ZNF385D: variants seen among roughly 807,000 people sequenced by gnomAD.
ZNF385D encodes zinc finger protein 385D.
A neutral mutation model predicts 35.8 loss-of-function variants in ZNF385D; 15 were observed. The observed-to-expected ratio is 0.42, with a 90% CI of 0.28 to 0.64. The LOEUF is 0.64. Among genes scored for constraint, ZNF385D ranks in the 30% least tolerant of loss-of-function variants. ZNF385D has a pLI of 0.23. For synonymous variants in ZNF385D, 212 were observed against 186.8 expected (o/e 1.13, Z -1.10); for missense variants, 474 against 494.6 (o/e 0.96, Z 0.39).
intron 3 of ZNF385D, among the ~76,000 whole-genome samples, chr3:22,089,411 C>T (rs575260544): frequency 6.6e-6 from 1 of 152,234 alleles, no homozygotes; most frequent in East Asian, 1.9e-4. Context: ...ACTAAAAGGA[C>T]GCTGGAGGAA....
intron 2 of ZNF385D, among the ~76,000 whole-genome samples, chr3:22,227,851 C>T (rs111883758): frequency 1.3e-3 from 195 of 152,274 alleles, no homozygotes; most frequent in African/African-American, 4.4e-3. Context: ...TGCAGAACTA[C>T]CTCTGAGCTG....
At chr3:21,467,760 C>A (rs890093511) in intron 4 of ZNF385D, among the ~76,000 whole-genome samples, 2 of 152,106 alleles carry the variant, frequency 1.3e-5, no homozygotes, top group African/African-American at 4.8e-5. Flanking sequence ...TAACACCATG[C>A]GTTCTAGTTA....
At chr3:22,090,153 T>C (rs998491555) in intron 3 of ZNF385D, among the ~76,000 whole-genome samples, 4 of 152,144 alleles carry the variant, frequency 2.6e-5, no homozygotes, top group African/African-American at 9.7e-5. Flanking sequence ...TTAATAATTA[T>C]TTATGGTAAA....
chr3:21,747,618 C>G (rs1441154597), intron 1 of ZNF385D, among the ~76,000 whole-genome samples: 1 of 152,204 alleles, frequency 6.6e-6, no homozygotes, highest in Non-Finnish European at 1.5e-5. Flanking sequence ...GGAGACAATT[C>G]AAACATACGG....
At chr3:21,806,258 C>G (rs1381916610) in intron 3 of ZNF385D, among the ~76,000 whole-genome samples, 2 of 148,546 alleles carry the variant, frequency 1.3e-5, no homozygotes, top group African/African-American at 5.0e-5. Flanking sequence ...AATCTAAACT[C>G]TTTTTGTATT....
intron 3 of ZNF385D, among the ~76,000 whole-genome samples, chr3:21,820,108 A>G (rs1003672040): frequency 4.6e-5 from 7 of 151,728 alleles, no homozygotes; most frequent in Non-Finnish European, 8.9e-5. Flanking sequence ...AGCATTTAAT[A>G]AGCTTTATCT....
chr3:21,824,354 A>G (rs1694462140), intron 3 of ZNF385D, among the ~76,000 whole-genome samples: 1 of 152,252 alleles, frequency 6.6e-6, no homozygotes, highest in African/African-American at 2.4e-5. Context: ...TTGTCCATAT[A>G]CATGAATACA....
At position 22,347,852 on chromosome 3, in the gene ZNF385D, T is replaced by A. The variant is rs574537472; in HGVS notation, c.106+24598A>T. ...GCATATAAATTAAGAACATTCTAAG[T>A]TTCTTATTTCAGTAAACTCACCCAT... On this transcript the variant is annotated intron_variant, in intron 2 of 5. Coordinates refer to the ZNF385D transcript ENST00000494108. Among the ~76,000 whole-genome samples, 25 of 152,302 alleles carry A rather than the reference T, an allele frequency of 1.6e-4. No individual in the cohort carries two copies. In the Middle Eastern group the frequency reaches 0.01, roughly 62 times the overall value.
chr3:22,269,027 G>A (rs1248406253), intron 2 of ZNF385D, among the ~76,000 whole-genome samples: 5 of 152,000 alleles, frequency 3.3e-5, no homozygotes, highest in Admixed American at 6.6e-5. Context: ...TGGTCTATCA[G>A]GAGGAGAAAA....
intron 2 of ZNF385D, among the ~76,000 whole-genome samples, chr3:22,272,461 G>T (rs1288981181): frequency 1.3e-5 from 2 of 151,960 alleles, no homozygotes; most frequent in African/African-American, 4.8e-5. Flanking sequence ...GACTGACCAA[G>T]ATTTAATCGT....
intron 3 of ZNF385D, among the ~76,000 whole-genome samples, chr3:21,926,377 T>A (rs1052150996): frequency 6.6e-6 from 1 of 152,160 alleles, no homozygotes; most frequent in East Asian, 1.9e-4. Context: ...AGTGAGAACA[T>A]GCAGTGTTTG....
chr3:22,135,193 T>C (rs1027992386), intron 3 of ZNF385D, among the ~76,000 whole-genome samples: 4 of 151,992 alleles, frequency 2.6e-5, no homozygotes, highest in African/African-American at 9.7e-5. Flanking sequence ...AACAAAATCA[T>C]CCTTATTTAT....
At chr3:21,946,765 G>C (rs1173184321) in intron 3 of ZNF385D, among the ~76,000 whole-genome samples, 1 of 152,232 alleles carries the variant, frequency 6.6e-6, no homozygotes. Context: ...CCAAGAGGCG[G>C]AGGTTGCAGT....
At chr3:22,227,352 G>T (rs768977977) in intron 2 of ZNF385D, among the ~76,000 whole-genome samples, 1 of 152,058 alleles carries the variant, frequency 6.6e-6, no homozygotes, top group African/African-American at 2.4e-5. Flanking sequence ...AAGGAAGGAC[G>T]TGAATCTGAT....
chr3:21,992,493 G>A (rs962699656), intron 3 of ZNF385D, among the ~76,000 whole-genome samples: 12 of 152,058 alleles, frequency 7.9e-5, no homozygotes, highest in African/African-American at 1.9e-4. Flanking sequence ...AACTCTTCCC[G>A]TGGTGCAAGT....
At chr3:21,964,230 T>C (rs1702752387) in intron 3 of ZNF385D, among the ~76,000 whole-genome samples, 1 of 151,670 alleles carries the variant, frequency 6.6e-6, no homozygotes, top group African/African-American at 2.4e-5. Context: ...AGATACAAAT[T>C]TCTCCTTCTG....
chr3:21,540,609 T>C (rs1160494466), intron 3 of ZNF385D, among the ~76,000 whole-genome samples: 4 of 152,172 alleles, frequency 2.6e-5, no homozygotes, highest in Non-Finnish European at 5.9e-5. Context: ...TAAAGGAATC[T>C]AAGAGAAGGT....
At chr3:21,636,376 G>GA (rs1214793293) in intron 2 of ZNF385D, among the ~76,000 whole-genome samples, 37 of 56,152 alleles carry the variant, frequency 6.6e-4, no homozygotes, top group African/African-American at 2.6e-3. Flanking sequence ...ATATATATAT[G>GA]ATTATATATA....
At chr3:21,764,384 T>C (rs1325299592) in intron 3 of ZNF385D, among the ~76,000 whole-genome samples, 1 of 152,160 alleles carries the variant, frequency 6.6e-6, no homozygotes, top group Non-Finnish European at 1.5e-5. Context: ...TAGTTATGGA[T>C]TCAAAATGTA....
Sources: gnomAD v4.1 joint callset for allele counts (sites outside exome capture counted in the v4.1 genomes callset) on GRCh38, gnomAD v4.1.1 for gene constraint, MANE v1.5 for transcripts, NCBI Gene and HGNC (gene_info 2026-07-23, HGNC 2026-07-21) for gene names.